Variants in ENTREP2 observed in about 807,000 individuals in gnomAD.
ENTREP2 encodes protein ENTREP2.
chr15:29,599,074 A>G, the ENTREP2 span, among the ~76,000 whole-genome samples: 1 of 152,202 alleles, frequency 6.6e-6, no homozygotes, highest in Non-Finnish European at 1.5e-5. Context: ...ATCCTTTTAG[A>G]ACATGTTGAT....
At chr15:29,232,294 A>G in the ENTREP2 span, among the ~76,000 whole-genome samples, 1 of 152,168 alleles carries the variant, frequency 6.6e-6, no homozygotes, top group Non-Finnish European at 1.5e-5. Context: ...AATTCGATCT[A>G]TTTCACACCA....
chr15:29,467,647 C>T, the ENTREP2 span, among the ~76,000 whole-genome samples: 1 of 152,152 alleles, frequency 6.6e-6, no homozygotes. Context: ...CCCGGTGAAA[C>T]TACCACATCC....
chr15:29,188,611 T>G, the ENTREP2 span, among the ~76,000 whole-genome samples: 2 of 152,212 alleles, frequency 1.3e-5, no homozygotes, highest in African/African-American at 2.4e-5. Context: ...TATGGCTGCA[T>G]AGTAGAGAAT....
the ENTREP2 span, among the ~76,000 whole-genome samples, chr15:29,546,426 G>C: frequency 6.6e-6 from 1 of 152,028 alleles, no homozygotes; most frequent in African/African-American, 2.4e-5. Context: ...TTGGGAAGAA[G>C]ATAGGTAATA....
At chr15:29,397,106 G>A in the ENTREP2 span, among the ~76,000 whole-genome samples, 1 of 152,110 alleles carries the variant, frequency 6.6e-6, no homozygotes, top group Non-Finnish European at 1.5e-5. Context: ...TTACTGAGAG[G>A]CCAGGCACAG....
the ENTREP2 span, among the ~76,000 whole-genome samples, chr15:29,206,558 C>A: frequency 1.3e-5 from 2 of 152,050 alleles, no homozygotes; most frequent in African/African-American, 4.8e-5. Context: ...GATCACACCC[C>A]GCATGATTCC....
At chr15:29,661,517 C>A in the ENTREP2 span, among the ~76,000 whole-genome samples, 1 of 152,100 alleles carries the variant, frequency 6.6e-6, no homozygotes, top group African/African-American at 2.4e-5. Flanking sequence ...GTAATTTTAT[C>A]ACATAAAATT....
At chr15:29,515,633 C>CTTG in the ENTREP2 span, among the ~76,000 whole-genome samples, 1 of 152,230 alleles carries the variant, frequency 6.6e-6, no homozygotes, top group Non-Finnish European at 1.5e-5. Context: ...AAGACCTTGA[C>CTTG]TGTAATCCAG....
the ENTREP2 span, among the ~76,000 whole-genome samples, chr15:29,239,366 C>T: frequency 6.6e-6 from 1 of 152,152 alleles, no homozygotes; most frequent in Non-Finnish European, 1.5e-5. Context: ...ACTTGAGGCA[C>T]ACACCAGGGA....
chr15:29,374,815 C>T, the ENTREP2 span: 1 of 152,068 alleles, frequency 6.6e-6, no homozygotes, highest in Non-Finnish European at 1.5e-5. Flanking sequence ...TATTGCATTG[C>T]AATGCCTGTA....
chr15:29,436,402 G>A, the ENTREP2 span, among the ~76,000 whole-genome samples: 2 of 152,146 alleles, frequency 1.3e-5, no homozygotes, highest in Non-Finnish European at 2.9e-5. Flanking sequence ...GGGGTCAATC[G>A]TTTTTAAACT....
At chr15:29,620,092 G>C in the ENTREP2 span, among the ~76,000 whole-genome samples, 2 of 152,108 alleles carry the variant, frequency 1.3e-5, no homozygotes, top group African/African-American at 4.8e-5. Flanking sequence ...GAACTGGTTA[G>C]AGTTTATGTA....
At chr15:29,435,169 C>G in the ENTREP2 span, among the ~76,000 whole-genome samples, 5 of 152,130 alleles carry the variant, frequency 3.3e-5, no homozygotes, top group Non-Finnish European at 2.9e-5. Context: ...ACTTTTCCCT[C>G]CCATTTTCTT....
chr15:29,382,754 A>T, the ENTREP2 span, among the ~76,000 whole-genome samples: 1 of 152,134 alleles, frequency 6.6e-6, no homozygotes, highest in African/African-American at 2.4e-5. Flanking sequence ...AGGCAACCTG[A>T]GGATGACACT....
chr15:29,304,745 GA>G, the ENTREP2 span, among the ~76,000 whole-genome samples: 991 of 152,182 alleles, frequency 6.5e-3, 15 homozygotes, highest in Admixed American at 0.043. Context: ...CTTCCTCTAT[GA>G]TCCCCTCTCT....
At chr15:29,230,294 A>G in the ENTREP2 span, among the ~76,000 whole-genome samples, 1 of 152,140 alleles carries the variant, frequency 6.6e-6, no homozygotes, top group Non-Finnish European at 1.5e-5. Context: ...GATCTTTCCA[A>G]TACGTAAATC....
chr15:29,413,661 A>ACT, the ENTREP2 span, among the ~76,000 whole-genome samples: 1 of 152,096 alleles, frequency 6.6e-6, no homozygotes, highest in South Asian at 2.1e-4. Context: ...TTGCTTGTGA[A>ACT]CTCTCTTCCC....
the ENTREP2 span, chr15:29,128,975 A>G: frequency 4.6e-6 from 3 of 651,092 alleles, no homozygotes; most frequent in Non-Finnish European, 8.0e-6. Context: ...GCGCTGAGAG[A>G]CGTTCATCCA....
the ENTREP2 span, among the ~76,000 whole-genome samples, chr15:29,628,663 T>C: frequency 6.6e-6 from 1 of 152,226 alleles, no homozygotes. Flanking sequence ...TTTTCAGTTC[T>C]GTTTTTACTT....
Sources: allele counts gnomAD v4.1 joint callset (sites outside exome capture counted in the v4.1 genomes callset), GRCh38; gene constraint gnomAD v4.1.1; transcripts MANE v1.5; gene names NCBI Gene and HGNC (gene_info 2026-07-23, HGNC 2026-07-21).